Variants in DNAH12 observed in about 807,000 individuals in gnomAD.
DNAH12 encodes dynein axonemal heavy chain 12.
A neutral mutation model predicts 371.5 loss-of-function variants in DNAH12; 285 were observed. The observed-to-expected ratio is 0.77, with a 90% CI of 0.70 to 0.85. The LOEUF is 0.85. Ranked by LOEUF, DNAH12 falls within the 40% of genes least tolerant of loss-of-function variation. The pLI is 0.00. For missense variants in DNAH12, 3,611 were observed against 3,689.4 expected, an observed-to-expected ratio of 0.98 and a Z score of 0.55; for synonymous variants, 1,200 against 1,213.0, an observed-to-expected ratio of 0.99 and a Z score of 0.22.
chr3:57,394,020 CCAAA>C (rs1451906745), intron 44 of DNAH12, among the ~76,000 whole-genome samples, 147 bp downstream of exon 44: 3 of 152,120 alleles, frequency 2.0e-5, no homozygotes, highest in South Asian at 2.1e-4. Flanking sequence ...TTAAAATTCA[CCAAA>C]CAATGATGTA....
intron 57 of DNAH12, among the ~76,000 whole-genome samples, chr3:57,365,560 C>G (rs942732281): frequency 6.6e-6 from 1 of 151,992 alleles, no homozygotes; most frequent in Admixed American, 6.6e-5. Flanking sequence ...CCATGGCACA[C>G]GTTTACCTAT....
At chr3:57,305,880 C>T (rs958961319) in intron 69 of DNAH12, among the ~76,000 whole-genome samples, 3 of 152,210 alleles carry the variant, frequency 2.0e-5, no homozygotes, top group Admixed American at 6.5e-5. Context: ...GTCTCCAGCA[C>T]ACAAGAACTT....
At chr3:57,336,656 T>C (rs1553653844) in intron 60 of DNAH12, among the ~76,000 whole-genome samples, 1 of 152,178 alleles carries the variant, frequency 6.6e-6, no homozygotes, top group African/African-American at 2.4e-5. Flanking sequence ...GGTAACTTTG[T>C]AGGTAAACAT....
intron 4 of DNAH12, among the ~76,000 whole-genome samples, chr3:57,518,110 C>T (rs972215933): frequency 1.3e-5 from 2 of 151,982 alleles, no homozygotes; most frequent in African/African-American, 4.8e-5. Context: ...ACTGTAGTCT[C>T]TTCACACTTC....
intron 55 of DNAH12, among the ~76,000 whole-genome samples, chr3:57,372,265 TATTA>T (rs1575515447): frequency 6.6e-6 from 1 of 152,106 alleles, no homozygotes; most frequent in Non-Finnish European, 1.5e-5. Flanking sequence ...AACTATTACA[TATTA>T]ATTGTTTTAA....
chr3:57,461,986 C>T (rs1360591240), intron 18 of DNAH12, among the ~76,000 whole-genome samples: 1 of 152,134 alleles, frequency 6.6e-6, no homozygotes, highest in Non-Finnish European at 1.5e-5. Flanking sequence ...AGTGGCCTTT[C>T]TATGGCAGCC....
At chr3:57,409,343 GT>G (rs1258506563) in intron 39 of DNAH12, among the ~76,000 whole-genome samples, 1 of 152,066 alleles carries the variant, frequency 6.6e-6, no homozygotes, top group Admixed American at 6.6e-5. Context: ...TGAAAATATG[GT>G]TTTTGGTAAC....
At chr3:57,343,169 A>T (rs1308623535) in intron 60 of DNAH12, among the ~76,000 whole-genome samples, 1 of 152,204 alleles carries the variant, frequency 6.6e-6, no homozygotes, top group Non-Finnish European at 1.5e-5. Flanking sequence ...TGATATCACT[A>T]ATAATTAGGG....
At chr3:57,313,954 T>G (rs2107685651) in intron 66 of DNAH12, among the ~76,000 whole-genome samples, 1 of 151,884 alleles carries the variant, frequency 6.6e-6, no homozygotes, top group Admixed American at 6.5e-5. Context: ...AGACACAGAG[T>G]GATTTTGGAT....
At chr3:57,338,906 T>G (rs569530802) in intron 60 of DNAH12, among the ~76,000 whole-genome samples, 77 of 152,264 alleles carry the variant, frequency 5.1e-4, no homozygotes, top group South Asian at 1.2e-3. Context: ...GAATGGGCCA[T>G]GGTGACGATG....
In DNAH12 at chr3:57,301,864, T is replaced by A. The variant is rs36020852; in HGVS notation, c.11265A>T (p.Ala3755=). 1 of 1,551,630 alleles carries A rather than the reference T, an allele frequency of 6.4e-7. No homozygotes were observed. Among genetic ancestry groups the A allele is most frequent in the East Asian group, 2.4e-5 (1 of 40,912 alleles). ...AIKGVVVMDS[A]LEALSGSLLV... Reference sequence around the variant, plus strand: ...GTAAGCTACCGGAGAGTGCCTCCAATGCAGAATCCATCACAACCACACCCT... The same window carrying A: ...GTAAGCTACCGGAGAGTGCCTCCAAAGCAGAATCCATCACAACCACACCCT... Residue 3755 remains alanine (A), a synonymous_variant, in exon 70 of 74, where the codon GCA becomes GCT. Transcript: ENST00000495027.
chr3:57,506,312 G>T (rs2067756956), intron 8 of DNAH12, among the ~76,000 whole-genome samples: 1 of 152,164 alleles, frequency 6.6e-6, no homozygotes, highest in African/African-American at 2.4e-5. Flanking sequence ...TTGTGAGCCA[G>T]TTGCTAAACT....
chr3:57,460,664 C>A (rs920198337), intron 19 of DNAH12, among the ~76,000 whole-genome samples: 13 of 152,174 alleles, frequency 8.5e-5, no homozygotes, highest in Middle Eastern at 3.2e-3. Flanking sequence ...AAGAACATTA[C>A]TCTGTTTTCT....
the DNAH12 span, among the ~76,000 whole-genome samples, chr3:57,549,859 T>C: frequency 6.6e-6 from 1 of 151,990 alleles, no homozygotes; most frequent in Non-Finnish European, 1.5e-5. Flanking sequence ...CCTGGGCTTA[T>C]GCAGTCCTTC....
chr3:57,343,044 C>A (rs374861246), intron 60 of DNAH12, among the ~76,000 whole-genome samples: 1 of 151,780 alleles, frequency 6.6e-6, no homozygotes, highest in South Asian at 2.1e-4. Context: ...TGCACTCTAG[C>A]CTGGGTGACA....
At chr3:57,352,670 C>T (rs1028432799) in intron 59 of DNAH12, among the ~76,000 whole-genome samples, 31 of 151,666 alleles carry the variant, frequency 2.0e-4, no homozygotes, top group African/African-American at 7.0e-4. Flanking sequence ...AAAAAAAATG[C>T]CTATTAAATC....
intron 10 of DNAH12, among the ~76,000 whole-genome samples, chr3:57,501,733 G>C (rs926277724): frequency 6.6e-6 from 1 of 152,132 alleles, no homozygotes; most frequent in Non-Finnish European, 1.5e-5. Context: ...ACACACTTGA[G>C]AAGACTACAG....
At chr3:57,553,172 C>T in the DNAH12 span, among the ~76,000 whole-genome samples, 1 of 152,236 alleles carries the variant, frequency 6.6e-6, no homozygotes, top group Non-Finnish European at 1.5e-5. Context: ...AGTGAAACTC[C>T]ATCTCAAAAA....
chr3:57,509,203 A>C lies in DNAH12; in HGVS notation c.479T>G (p.Val160Gly), dbSNP rs753790194. The C allele has an allele frequency of 6.2e-7, 1 of 1,613,500 alleles. No homozygotes were observed. Among genetic ancestry groups the C allele is most frequent in the East Asian group, 2.2e-5 (1 of 44,862 alleles). ...NSMKRYLVQS[V>G]LVKPPVKSLE... ...CGATTTAACTGGTGGTTTCACAAGA[A>C]CGCTCTGCACTAAAATACATGGATA... Residue 160 changes from valine to glycine, a missense_variant, in exon 6 of 74, where the codon GTT becomes GGT. Val to Gly is a moderately radical substitution (Grantham distance 109). Transcript: ENST00000495027.
Sources: allele counts gnomAD v4.1 joint callset (sites outside exome capture counted in the v4.1 genomes callset), GRCh38; gene constraint gnomAD v4.1.1; transcripts MANE v1.5; gene names NCBI Gene and HGNC (gene_info 2026-07-23, HGNC 2026-07-21).